ARMC8: variants seen among roughly 807,000 people sequenced by gnomAD.
ARMC8 encodes armadillo repeat containing 8, also known as armadillo repeat-containing protein 8.
In ARMC8, 20 loss-of-function variants were observed where a neutral mutation model predicts 99.3. The ratio of observed to expected loss-of-function variants is 0.20; its 90% CI spans 0.14 to 0.29. ARMC8 has a LOEUF of 0.29. Among genes scored for constraint, ARMC8 ranks in the 10% least tolerant of loss-of-function variants. ARMC8 has a pLI of 1.00. For missense variants in ARMC8, 569 were observed against 809.5 expected, an observed-to-expected ratio of 0.70 and a Z score of 3.60; for synonymous variants, 263 against 278.3, an observed-to-expected ratio of 0.95 and a Z score of 0.55.
chr3:138,208,226 G>A (rs1167217953), intron 1 of ARMC8, among the ~76,000 whole-genome samples: 1 of 152,138 alleles, frequency 6.6e-6, no homozygotes. Flanking sequence ...CCAGCACTTT[G>A]GGAGGCCAAG....
At position 138,297,617 on chromosome 3, in the gene ARMC8, G is replaced by A. The variant is rs1474022839; in HGVS notation, c.*1725G>A. 2 of 152,152 alleles carry A rather than the reference G, an allele frequency of 1.3e-5. No individual in the cohort carries two copies. The highest frequency in any genetic ancestry group is 2.9e-5 in the Non-Finnish European group (2 of 68,028). 9.4% of individuals were successfully genotyped at this position (152,152 alleles called of 1,614,324 possible). A position where few individuals can be genotyped will look rare whatever the true frequency, so the allele number is the denominator to read the frequency against. ...ATGCAATTTTTCCTGCTCTCAACAT[G>A]ACCACCCAAGATTCAAACACAGAGA... On this transcript the variant is annotated 3_prime_UTR_variant, in exon 22 of 22. Coordinates refer to ENST00000469044, the MANE Select transcript of ARMC8 (RefSeq NM_001363941.2).
intron 12 of ARMC8, among the ~76,000 whole-genome samples, chr3:138,248,886 G>A (rs575342540): frequency 2.0e-5 from 3 of 152,284 alleles, no homozygotes; most frequent in South Asian, 2.1e-4. Context: ...TGTTAAGTAC[G>A]TATTGTAACC....
chr3:138,237,049 A>G (rs2046369456), intron 7 of ARMC8, among the ~76,000 whole-genome samples: 1 of 152,098 alleles, frequency 6.6e-6, no homozygotes, highest in Non-Finnish European at 1.5e-5. Flanking sequence ...TGTTCTTTTA[A>G]TTTTGATTAG....
intron 10 of ARMC8, among the ~76,000 whole-genome samples, chr3:138,239,932 C>T (rs1355305521): frequency 6.6e-6 from 1 of 152,104 alleles, no homozygotes; most frequent in Non-Finnish European, 1.5e-5. Context: ...AGCTGATAAT[C>T]AAAAGGCATA....
rs1266438583 is a variant in ARMC8 at position 138,296,620 on chromosome 3, A to G, written c.*728A>G. The G allele has an allele frequency of 6.6e-6, 1 of 152,240 alleles. No individual in the cohort carries two copies. The highest frequency in any genetic ancestry group is 1.9e-4 in the East Asian group (1 of 5,202). The allele number at this position is 152,240 out of a possible 1,614,324, so 9.4% of individuals were successfully genotyped here. ...CACTATACATGGTGCTGTGCAAAAT[A>G]GTAAGCTAGCATCTTACTGCCGTCA... On this transcript the variant is annotated 3_prime_UTR_variant, in exon 22 of 22. Coordinates refer to ENST00000469044, the MANE Select transcript of ARMC8 (RefSeq NM_001363941.2).
At chr3:138,239,159 C>A in intron 9 of ARMC8, 1 of 240,884 alleles carries the variant, frequency 4.2e-6, no homozygotes, top group Non-Finnish European at 8.0e-6. Context: ...ATAAAGAATA[C>A]AACATGTGCC....
Position 138,187,584 on chromosome 3 carries a change from C to T in ARMC8, c.30C>T (p.Arg10=), listed in dbSNP as rs1056476666. The part of the protein sequence containing the change: MACLLETPI[R]MSVLSEVTAS... ...CGTGCTTGTTGGAGACCCCAATCCG[C>T]ATGAGCGTCCTTTCGGTGAGTGACC... Residue 10 remains arginine (R), a synonymous_variant, in exon 1 of 22, where the codon CGC becomes CGT. Coordinates refer to ENST00000469044, the MANE Select transcript of ARMC8 (RefSeq NM_001363941.2). 35 of 1,535,664 alleles carry T rather than the reference C, an allele frequency of 2.3e-5. No homozygotes were observed. The African/African-American group carries it at 4.1e-4, about 18-fold the overall frequency.
At chr3:138,270,555 A>T (rs2048694028) in intron 16 of ARMC8, among the ~76,000 whole-genome samples, 1 of 152,184 alleles carries the variant, frequency 6.6e-6, no homozygotes, top group Admixed American at 6.5e-5. Context: ...CAGAATGATT[A>T]TTTTTTTTAA....
intron 1 of ARMC8, among the ~76,000 whole-genome samples, chr3:138,192,275 CTTTTTTT>C (rs372563436): frequency 3.8e-5 from 5 of 130,682 alleles, no homozygotes; most frequent in Non-Finnish European, 8.0e-5. Flanking sequence ...TTTATTTATC[CTTTTTTT>C]TTTTTTTTTT....
At chr3:138,244,785 T>C (rs116640228) in intron 11 of ARMC8, among the ~76,000 whole-genome samples, 2,828 of 152,310 alleles carry the variant, frequency 0.019, 85 homozygotes, top group African/African-American at 0.064. Flanking sequence ...AAAGCTACCA[T>C]TTAGGAACAC....
At chr3:138,187,858 T>C (rs991685591) in intron 1 of ARMC8, 22 of 552,864 alleles carry the variant, frequency 4.0e-5, no homozygotes, top group Non-Finnish European at 6.8e-5. Flanking sequence ...GCGGGGTGGC[T>C]GGGCTTATAG....
chr3:138,236,382 G>A (rs1324136713), intron 7 of ARMC8, among the ~76,000 whole-genome samples: 1 of 152,236 alleles, frequency 6.6e-6, no homozygotes, highest in East Asian at 1.9e-4. Flanking sequence ...ATCTCCTCTA[G>A]CTTCATTAAT....
At chr3:138,208,474 G>C (rs1033233369) in intron 1 of ARMC8, among the ~76,000 whole-genome samples, 3 of 152,118 alleles carry the variant, frequency 2.0e-5, no homozygotes, top group African/African-American at 7.2e-5. Flanking sequence ...CTCAGGGGAG[G>C]GGGGAAGAAA....
At chr3:138,261,016 A>C (rs1044557724) in intron 12 of ARMC8, among the ~76,000 whole-genome samples, 1 of 152,192 alleles carries the variant, frequency 6.6e-6, no homozygotes, top group Non-Finnish European at 1.5e-5. Flanking sequence ...CACTGCCTGA[A>C]ACTTTTGCCC....
intron 6 of ARMC8, among the ~76,000 whole-genome samples, chr3:138,234,089 A>G (rs918268091): frequency 6.6e-6 from 1 of 151,924 alleles, no homozygotes; most frequent in African/African-American, 2.4e-5. Context: ...TTTAAGAACC[A>G]ATACTTTTTT....
chr3:138,234,394 G>C (rs576350544), intron 6 of ARMC8, among the ~76,000 whole-genome samples: 1 of 152,310 alleles, frequency 6.6e-6, no homozygotes, highest in East Asian at 1.9e-4. Context: ...ACAGGTGTGA[G>C]CCACTGCGCC....
At chr3:138,196,183 A>C (rs2043725283) in intron 1 of ARMC8, among the ~76,000 whole-genome samples, 2 of 152,208 alleles carry the variant, frequency 1.3e-5, no homozygotes, top group Non-Finnish European at 2.9e-5. Context: ...AAAAGGAAAG[A>C]GTCATGATGA....
chr3:138,205,794 A>G (rs2044342271), intron 1 of ARMC8, among the ~76,000 whole-genome samples: 1 of 152,174 alleles, frequency 6.6e-6, no homozygotes, highest in Non-Finnish European at 1.5e-5. Flanking sequence ...AACAAAACAT[A>G]AGATAAGTAC....
intron 21 of ARMC8, among the ~76,000 whole-genome samples, chr3:138,293,409 C>T (rs139489382): frequency 3.3e-5 from 5 of 152,150 alleles, no homozygotes; most frequent in East Asian, 1.9e-4. Context: ...CATGGTAGTA[C>T]GTGCCTGTAG....
Sources: allele counts gnomAD v4.1 joint callset (sites outside exome capture counted in the v4.1 genomes callset), GRCh38; gene constraint gnomAD v4.1.1; transcripts MANE v1.5; gene names NCBI Gene and HGNC (gene_info 2026-07-23, HGNC 2026-07-21).